TRIM9: variants seen among roughly 807,000 people sequenced by gnomAD.
TRIM9 encodes tripartite motif containing 9.
In TRIM9, 26 loss-of-function variants were observed where a neutral mutation model predicts 78.3. That is an observed-to-expected ratio of 0.33 (90% CI 0.24 to 0.46). TRIM9 has a LOEUF of 0.46. TRIM9 is among the 20% of genes least tolerant of loss of function. The probability of loss-of-function intolerance (pLI) is 1.00; values close to 1 mark genes in which losing one functional copy is unlikely to be tolerated. For synonymous variants in TRIM9, 398 were observed against 416.5 expected (o/e 0.96, Z 0.54); for missense variants, 787 against 1,036.4 (o/e 0.76, Z 3.30).
chr14:50,978,971 C>G, intron 12 of TRIM9: 1 of 1,120,746 alleles, frequency 8.9e-7, no homozygotes. Context: ...AGAAGATGCT[C>G]AGATTTTCTG....
chr14:51,020,401 A>C (rs932288850), intron 3 of TRIM9, among the ~76,000 whole-genome samples: 1 of 152,120 alleles, frequency 6.6e-6, no homozygotes, highest in Non-Finnish European at 1.5e-5. Context: ...TTCGAGATAG[A>C]AGACAGAACA....
intron 1 of TRIM9, among the ~76,000 whole-genome samples, chr14:51,045,914 A>G (rs1470245090): frequency 2.0e-5 from 3 of 152,236 alleles, no homozygotes; most frequent in Non-Finnish European, 4.4e-5. Flanking sequence ...CCAGGAATCA[A>G]CTTCAATTCC....
intron 1 of TRIM9, among the ~76,000 whole-genome samples, chr14:51,058,621 C>G (rs1382977724): frequency 6.7e-6 from 1 of 149,836 alleles, no homozygotes; most frequent in Non-Finnish European, 1.5e-5. Context: ...GTGAGCCACC[C>G]TGGGCCAGAG....
chr14:51,009,438 T>TG (rs1001912900), intron 4 of TRIM9, among the ~76,000 whole-genome samples: 1 of 152,164 alleles, frequency 6.6e-6, no homozygotes, highest in African/African-American at 2.4e-5. Context: ...TTTTGTGAGT[T>TG]GGGGGGCACT....
At chr14:51,077,980 G>A (rs540138327) in intron 1 of TRIM9, among the ~76,000 whole-genome samples, 6 of 152,304 alleles carry the variant, frequency 3.9e-5, no homozygotes, top group Admixed American at 2.0e-4. Context: ...CCCTCACTGT[G>A]TGAACGACCC....
intron 7 of TRIM9, chr14:50,996,461 G>A (rs2054218546): frequency 1.0e-6 from 1 of 985,424 alleles, no homozygotes; most frequent in South Asian, 4.7e-5. Flanking sequence ...ATTTTTACCA[G>A]AATAGTATGA....
intron 1 of TRIM9, among the ~76,000 whole-genome samples, chr14:51,054,307 T>TTGTTGTTGTTGC (rs896454185): frequency 2.6e-5 from 4 of 151,920 alleles, no homozygotes; most frequent in African/African-American, 7.3e-5. Flanking sequence ...TTTGTTGTTG[T>TTGTTGTTGTTGC]TGTTGTCCAG....
chr14:51,086,780 CCAGATCTGTTTCAGACAAT>C (rs75737552), intron 1 of TRIM9, among the ~76,000 whole-genome samples: 9,444 of 152,086 alleles, frequency 0.062, 334 homozygotes, highest in African/African-American at 0.09. Flanking sequence ...ACTGAAATGA[CCAGATCTGTTTCAGACAAT>C]CAGGTACAAG....
At chr14:51,092,603 C>A (rs138991454) in intron 1 of TRIM9, among the ~76,000 whole-genome samples, 5 of 152,230 alleles carry the variant, frequency 3.3e-5, no homozygotes, top group Admixed American at 1.3e-4. Flanking sequence ...CTCCTTCCAA[C>A]CATCCTGAAT....
Position 50,998,061 on chromosome 14 carries a change from T to G in TRIM9, c.1592A>C (p.Gln531Pro), listed in dbSNP as rs2054455653. 1 of 1,614,212 alleles carries G rather than the reference T, an allele frequency of 6.2e-7. No individual in the cohort carries two copies. The highest frequency in any genetic ancestry group is 8.5e-7 in the Non-Finnish European group (1 of 1,180,032). ...VSPYSKTLVL[Q>P]TSEDTDSEEQ... ...CTGAAGGGCCTTACCCTCAGACGTTTGGAGGACCAGGGTCTTGCTGTACGG... is the reference window on the plus strand; with the variant it reads ...CTGAAGGGCCTTACCCTCAGACGTTGGGAGGACCAGGGTCTTGCTGTACGG... Residue 531 changes from glutamine to proline, a missense_variant, in exon 7 of 13, where the codon CAA (glutamine) becomes CCA (proline). Transcript: ENST00000684578.
chr14:51,015,588 A>ACCACAG (rs1344912047), intron 3 of TRIM9, among the ~76,000 whole-genome samples: 4 of 126,528 alleles, frequency 3.2e-5, no homozygotes, highest in African/African-American at 1.2e-4. Context: ...CTCACAGTTT[A>ACCACAG]CCACAGCCTC....
At chr14:51,056,320 T>C (rs1004418367) in intron 1 of TRIM9, among the ~76,000 whole-genome samples, 2 of 152,230 alleles carry the variant, frequency 1.3e-5, no homozygotes, top group Non-Finnish European at 2.9e-5. Flanking sequence ...AATAAATTCA[T>C]TGTGTTAACT....
rs369652663 is a variant in TRIM9 at position 51,015,505 on chromosome 14, C to CTTTTTTTTTTTTTTTTTTTTTTTT, written c.1042-5035_1042-5012dup. The stretch of plus-strand genomic sequence containing the variant: ...AATGCTTTTTTCTTTCTTTACTTTT[C>CTTTTTTTTTTTTTTTTTTTTTTTT]TTTTTTTTTTTTTTTTTTTTTTTTT... On this transcript the variant is annotated intron_variant, in intron 3 of 12. Coordinates refer to ENST00000684578, the MANE Select transcript of TRIM9 (RefSeq NM_001387360.1). 8.6e-4 allele frequency among the ~76,000 whole-genome samples: 53 copies of CTTTTTTTTTTTTTTTTTTTTTTTT among 61,324 alleles called. 12 individuals are homozygous for CTTTTTTTTTTTTTTTTTTTTTTTT. Among genetic ancestry groups the CTTTTTTTTTTTTTTTTTTTTTTTT allele is most frequent in the African/African-American group, 1.8e-3 (27 of 14,666 alleles). The allele number at this position is 61,324 out of a possible 152,430, so 40.2% of individuals were successfully genotyped here. A position where few individuals can be genotyped will look rare whatever the true frequency, so the allele number is the denominator to read the frequency against.
At chr14:51,064,782 A>G (rs2061608790) in intron 1 of TRIM9, among the ~76,000 whole-genome samples, 1 of 152,136 alleles carries the variant, frequency 6.6e-6, no homozygotes, top group African/African-American at 2.4e-5. Context: ...TTCTTTCAAT[A>G]TAATGAACCA....
intron 1 of TRIM9, among the ~76,000 whole-genome samples, chr14:51,055,421 A>G (rs1047170759): frequency 1.3e-5 from 2 of 152,224 alleles, no homozygotes; most frequent in Non-Finnish European, 2.9e-5. Context: ...GTCACATGGC[A>G]AAAGAGAATT....
intron 7 of TRIM9, among the ~76,000 whole-genome samples, chr14:50,993,371 C>CT (rs35659590): frequency 0.082 from 11,769 of 144,200 alleles, 576 homozygotes; most frequent in Middle Eastern, 0.18. Flanking sequence ...CAACAAGACT[C>CT]TTTTTTTTTT....
At chr14:51,064,296 T>C (rs2061573212) in intron 1 of TRIM9, among the ~76,000 whole-genome samples, 1 of 151,928 alleles carries the variant, frequency 6.6e-6, no homozygotes, top group African/African-American at 2.4e-5. Context: ...AATAGATAAA[T>C]TATAATTAAA....
chr14:50,988,862 G>A (rs189011138), intron 7 of TRIM9, among the ~76,000 whole-genome samples: 141 of 152,238 alleles, frequency 9.3e-4, no homozygotes, highest in Non-Finnish European at 1.4e-3. Flanking sequence ...TAGATTTCAG[G>A]AGTCTTAGAG....
At chr14:50,984,869 A>G (rs1390195869) in intron 8 of TRIM9, among the ~76,000 whole-genome samples, 2 of 152,238 alleles carry the variant, frequency 1.3e-5, no homozygotes, top group Admixed American at 6.5e-5. Context: ...AAAGAGTTTC[A>G]TAACAAAGCA....
Sources: gnomAD v4.1 joint callset for allele counts (sites outside exome capture counted in the v4.1 genomes callset) on GRCh38, gnomAD v4.1.1 for gene constraint, MANE v1.5 for transcripts, NCBI Gene and HGNC (gene_info 2026-07-23, HGNC 2026-07-21) for gene names.